The following LINGO2 variants were observed in gnomAD, a reference collection of about 807,000 sequenced individuals.
LINGO2 encodes leucine rich repeat and Ig domain containing 2.
In LINGO2, 14 loss-of-function variants were observed where a neutral mutation model predicts 30.6. The ratio of observed to expected loss-of-function variants is 0.46; its 90% confidence interval spans 0.30 to 0.72. LINGO2 has a LOEUF of 0.72. Ranked by LOEUF, LINGO2 falls within the 30% of genes least tolerant of loss-of-function variation. The pLI, the probability that LINGO2 is intolerant of heterozygous loss-of-function variation, is 0.07. For synonymous variants in LINGO2, 317 were observed against 288.5 expected, an observed-to-expected ratio of 1.10 and a Z score of -1.00; for missense variants, 729 against 751.7, an observed-to-expected ratio of 0.97 and a Z score of 0.35.
intron 2 of LINGO2, among the ~76,000 whole-genome samples, chr9:28,387,824 GAAGTCA>G (rs1821655439): frequency 6.6e-6 from 1 of 152,146 alleles, no homozygotes; most frequent in African/African-American, 2.4e-5. Flanking sequence ...CTTCACTCCT[GAAGTCA>G]GCGAGACCAC....
At chr9:28,216,432 GA>G (rs922689073) in intron 4 of LINGO2, among the ~76,000 whole-genome samples, 26 of 151,952 alleles carry the variant, frequency 1.7e-4, no homozygotes, top group African/African-American at 6.0e-4. Flanking sequence ...AGAAAGAGTA[GA>G]AAAAAGAATG....
the LINGO2 span, among the ~76,000 whole-genome samples, chr9:28,861,954 A>C: frequency 1.3e-5 from 2 of 152,152 alleles, no homozygotes; most frequent in African/African-American, 4.8e-5. Flanking sequence ...TATCTCCCGT[A>C]AACTAAAAAT....
chr9:28,836,371 A>G, the LINGO2 span, among the ~76,000 whole-genome samples: 9 of 152,178 alleles, frequency 5.9e-5, no homozygotes, highest in Non-Finnish European at 1.3e-4. Flanking sequence ...CTGGAGTGCA[A>G]TGGGGCGATC....
chr9:28,806,023 T>C, the LINGO2 span, among the ~76,000 whole-genome samples: 4 of 152,202 alleles, frequency 2.6e-5, no homozygotes, highest in Non-Finnish European at 2.9e-5. Flanking sequence ...AGAATGTGTA[T>C]GAAAATGTAT....
the LINGO2 span, among the ~76,000 whole-genome samples, chr9:28,682,184 T>C: frequency 6.6e-6 from 1 of 152,176 alleles, no homozygotes; most frequent in Non-Finnish European, 1.5e-5. Flanking sequence ...TCTGTAAACT[T>C]ATATCAGTCT....
chr9:28,845,659 A>C, the LINGO2 span, among the ~76,000 whole-genome samples: 1 of 151,840 alleles, frequency 6.6e-6, no homozygotes, highest in Admixed American at 6.6e-5. Context: ...TTCTGTTAAC[A>C]TTTAATAGTT....
At chr9:28,020,552 A>G (rs1393786302) in intron 4 of LINGO2, among the ~76,000 whole-genome samples, 5 of 142,308 alleles carry the variant, frequency 3.5e-5, no homozygotes, top group Non-Finnish European at 6.1e-5. Context: ...AAAACAAAAC[A>G]AAACAAAACA....
chr9:28,749,456 T>A, the LINGO2 span, among the ~76,000 whole-genome samples: 1 of 152,082 alleles, frequency 6.6e-6, no homozygotes, highest in Admixed American at 6.5e-5. Flanking sequence ...TGCCTACTCC[T>A]ATAGGTGGTA....
chr9:28,878,960 T>C, the LINGO2 span, among the ~76,000 whole-genome samples: 1 of 152,136 alleles, frequency 6.6e-6, no homozygotes, highest in Non-Finnish European at 1.5e-5. Context: ...CCACTCCTAT[T>C]CAACATAGTG....
At chr9:28,967,902 T>C in the LINGO2 span, among the ~76,000 whole-genome samples, 1 of 152,306 alleles carries the variant, frequency 6.6e-6, no homozygotes, top group African/African-American at 2.4e-5. Flanking sequence ...CAAATAAGTT[T>C]TCATAAGAAG....
the LINGO2 span, among the ~76,000 whole-genome samples, chr9:28,844,996 A>G: frequency 5.3e-5 from 8 of 151,910 alleles, 1 homozygote; most frequent in African/African-American, 1.9e-4. Context: ...GTACTTATGA[A>G]TCTGAGGACT....
intron 1 of LINGO2, among the ~76,000 whole-genome samples, chr9:28,589,160 A>T (rs1391951913): frequency 6.6e-6 from 1 of 152,100 alleles, no homozygotes; most frequent in African/African-American, 2.4e-5. Flanking sequence ...TCAAAATAAT[A>T]AGAGCTATCT....
chr9:27,966,520 T>C (rs1022004663), intron 5 of LINGO2, among the ~76,000 whole-genome samples: 6 of 151,866 alleles, frequency 4.0e-5, no homozygotes, highest in African/African-American at 1.5e-4. Flanking sequence ...AATTGAACAG[T>C]GGGAACACAT....
At chr9:28,670,843 T>C (rs938470589), upstream of LINGO2, among the ~76,000 whole-genome samples, 2 of 152,126 alleles carry the variant, frequency 1.3e-5, no homozygotes, top group Admixed American at 6.6e-5. Flanking sequence ...TCCTACATTT[T>C]ATGAATCTTC....
chr9:28,029,580 C>T (rs1032375437), intron 4 of LINGO2, among the ~76,000 whole-genome samples: 1 of 151,972 alleles, frequency 6.6e-6, no homozygotes, highest in African/African-American at 2.4e-5. Flanking sequence ...TCCTTCTAAC[C>T]GTCAAAAATA....
chr9:28,759,824 A>G, the LINGO2 span, among the ~76,000 whole-genome samples: 854 of 152,204 alleles, frequency 5.6e-3, 19 homozygotes, highest in African/African-American at 0.02. Flanking sequence ...GGAGAGCAAT[A>G]TAGCTTCTAA....
At chr9:27,984,584 T>C (rs368290645) in intron 5 of LINGO2, among the ~76,000 whole-genome samples, 2 of 151,872 alleles carry the variant, frequency 1.3e-5, no homozygotes, top group East Asian at 1.9e-4. Context: ...TGCTCTTTTA[T>C]GGGCTAAGGA....
At chr9:28,199,620 G>C (rs1286716489) in intron 4 of LINGO2, among the ~76,000 whole-genome samples, 1 of 152,130 alleles carries the variant, frequency 6.6e-6, no homozygotes, top group East Asian at 1.9e-4. Flanking sequence ...TTACAGGCGT[G>C]AGCCACTGCG....
the LINGO2 span, among the ~76,000 whole-genome samples, chr9:28,909,032 A>G: frequency 6.6e-6 from 1 of 151,966 alleles, no homozygotes; most frequent in Non-Finnish European, 1.5e-5. Flanking sequence ...AATAAGAAAC[A>G]AACAAATAAG....
Sources: gnomAD v4.1 joint callset for allele counts (sites outside exome capture counted in the v4.1 genomes callset) on GRCh38, gnomAD v4.1.1 for gene constraint, MANE v1.5 for transcripts, NCBI Gene and HGNC (gene_info 2026-07-23, HGNC 2026-07-21) for gene names.